Variants in CFAP299 observed in about 807,000 individuals in gnomAD.
CFAP299 encodes the protein cilia- and flagella-associated protein 299.
In CFAP299, 21 loss-of-function variants were observed where a neutral mutation model predicts 27.0. That is an observed-to-expected ratio of 0.78 (90% CI 0.55 to 1.12). The LOEUF (loss-of-function observed/expected upper bound fraction) is 1.12. Among genes scored for constraint, CFAP299 ranks in the 50% most tolerant of loss-of-function variants. CFAP299 has a pLI of 0.00. For synonymous variants in CFAP299, 104 were observed against 98.1 expected (o/e 1.06, Z -0.36); for missense variants, 310 against 276.6 (o/e 1.12, Z -0.86).
intron 2 of CFAP299, among the ~76,000 whole-genome samples, chr4:80,401,601 T>C (rs1174597864): frequency 6.6e-6 from 1 of 152,208 alleles, no homozygotes; most frequent in Non-Finnish European, 1.5e-5. Context: ...AACACCTGAA[T>C]GCCCAGGCAA....
chr4:80,611,683 T>C (rs1195385785), intron 3 of CFAP299, among the ~76,000 whole-genome samples: 1 of 152,106 alleles, frequency 6.6e-6, no homozygotes, highest in East Asian at 1.9e-4. Flanking sequence ...GCCTGATATT[T>C]GAACTCCACT....
chr4:80,726,214 T>G (rs1041030519), intron 3 of CFAP299, among the ~76,000 whole-genome samples: 1 of 152,128 alleles, frequency 6.6e-6, no homozygotes, highest in Non-Finnish European at 1.5e-5. Context: ...GGTAAATGAG[T>G]GTGTTCATGC....
intron 2 of CFAP299, among the ~76,000 whole-genome samples, chr4:80,394,322 C>T (rs921976046): frequency 2.0e-5 from 3 of 151,218 alleles, no homozygotes; most frequent in African/African-American, 4.8e-5. Flanking sequence ...ATTCCTTATA[C>T]ATTTTGAATA....
intron 2 of CFAP299, among the ~76,000 whole-genome samples, chr4:80,480,008 T>C (rs573783056): frequency 1.3e-5 from 2 of 152,016 alleles, no homozygotes; most frequent in Non-Finnish European, 2.9e-5. Context: ...TAAATAGTTA[T>C]ATGCAGCTGT....
chr4:80,465,652 C>A (rs1729664428), intron 2 of CFAP299, among the ~76,000 whole-genome samples: 1 of 152,032 alleles, frequency 6.6e-6, no homozygotes, highest in African/African-American at 2.4e-5. Flanking sequence ...CCTATGTACC[C>A]CATGCCCTGG....
At position 80,534,859 on chromosome 4, in the gene CFAP299, A is replaced by C. The variant is rs1005851970; in HGVS notation, c.243-48234A>C. 4.6e-5 allele frequency among the ~76,000 whole-genome samples: 7 copies of C among 152,212 alleles called. No homozygotes were observed. In the East Asian group the frequency reaches 1.3e-3, roughly 29 times the overall value. ...TTCTTGTCAGCATTTTTAATTGTACATATATTTTTCCCTTTTTGTAAAATG... is the reference window on the plus strand; with the variant it reads ...TTCTTGTCAGCATTTTTAATTGTACCTATATTTTTCCCTTTTTGTAAAATG... On this transcript the variant is annotated intron_variant, in intron 2 of 5. Coordinates refer to ENST00000358105, the MANE Select transcript of CFAP299 (RefSeq NM_152770.3).
intron 3 of CFAP299, among the ~76,000 whole-genome samples, chr4:80,807,184 TA>T (rs929763531): frequency 1.3e-5 from 2 of 152,062 alleles, no homozygotes; most frequent in Non-Finnish European, 2.9e-5. Context: ...AGTTCAAATA[TA>T]AAAACTTATT....
At chr4:80,551,956 C>T (rs1734540624) in intron 2 of CFAP299, among the ~76,000 whole-genome samples, 1 of 152,174 alleles carries the variant, frequency 6.6e-6, no homozygotes, top group Non-Finnish European at 1.5e-5. Flanking sequence ...ACCATGTTGG[C>T]CAGGATGGTC....
chr4:80,943,045 C>A (rs560074282), intron 4 of CFAP299, among the ~76,000 whole-genome samples: 135 of 152,320 alleles, frequency 8.9e-4, no homozygotes, highest in African/African-American at 3.2e-3. Flanking sequence ...TCATCTTAAA[C>A]TTCACTTGTG....
At chr4:80,428,669 G>T (rs1207490010) in intron 2 of CFAP299, among the ~76,000 whole-genome samples, 1 of 150,940 alleles carries the variant, frequency 6.6e-6, no homozygotes, top group African/African-American at 2.4e-5. Context: ...TGGGATTACA[G>T]GTGCCTGCCA....
intron 3 of CFAP299, among the ~76,000 whole-genome samples, chr4:80,807,183 A>G (rs1368574039): frequency 1.3e-5 from 2 of 152,190 alleles, no homozygotes; most frequent in Non-Finnish European, 2.9e-5. Flanking sequence ...AAGTTCAAAT[A>G]TAAAAACTTA....
Position 80,658,288 on chromosome 4 carries a change from G to A in CFAP299, c.333+75105G>A, listed in dbSNP as rs1740666952. On this transcript the variant is annotated intron_variant, in intron 3 of 5. Transcript: ENST00000358105. ...ACTATGTTGAATAGGGGTGGTGAGA[G>A]AGGACATCCTTGTCTTGTGCTGTTT... Among the ~76,000 whole-genome samples the A allele has an allele frequency of 2.0e-5, 3 of 152,150 alleles. No individual in the cohort carries two copies. In the South Asian group the frequency reaches 6.2e-4, roughly 32 times the overall value.
At chr4:80,396,893 T>A (rs1237503605) in intron 2 of CFAP299, among the ~76,000 whole-genome samples, 1 of 152,222 alleles carries the variant, frequency 6.6e-6, no homozygotes, top group East Asian at 1.9e-4. Flanking sequence ...GCTGGCCTCA[T>A]AAAATGAGTT....
At chr4:80,567,810 CAA>C (rs1735385575) in intron 2 of CFAP299, among the ~76,000 whole-genome samples, 1 of 150,502 alleles carries the variant, frequency 6.6e-6, no homozygotes, top group Non-Finnish European at 1.5e-5. Flanking sequence ...TCTAGGAAAC[CAA>C]TACATAATTA....
At position 80,693,708 on chromosome 4, in the gene CFAP299, AAAAG is replaced by A. The variant is rs1475045897; in HGVS notation, c.333+110532_333+110535del. 2.0e-4 allele frequency among the ~76,000 whole-genome samples: 31 copies of A among 152,188 alleles called. 1 individual carries two copies. The East Asian group carries it at 3.7e-3, about 18-fold the overall frequency. On this transcript the variant is annotated intron_variant, in intron 3 of 5. Coordinates refer to ENST00000358105, the MANE Select transcript of CFAP299 (RefSeq NM_152770.3). ...AAGTATAATAATAATTTAAAAAAAAAAAAGAAAGAACTGGCATTCTAAAGCAGTA... is the reference window on the plus strand; with the variant it reads ...AAGTATAATAATAATTTAAAAAAAAAAAAGAACTGGCATTCTAAAGCAGTA...
At chr4:80,444,356 A>C (rs1728511809) in intron 2 of CFAP299, among the ~76,000 whole-genome samples, 1 of 152,090 alleles carries the variant, frequency 6.6e-6, no homozygotes, top group South Asian at 2.1e-4. Context: ...ACAGAACAGA[A>C]GCCTCAGAAA....
intron 2 of CFAP299, among the ~76,000 whole-genome samples, chr4:80,478,656 A>G (rs1459195229): frequency 6.6e-6 from 1 of 152,250 alleles, no homozygotes; most frequent in Admixed American, 6.5e-5. Context: ...CTGCACATAA[A>G]TGGTAGTTGG....
Position 80,490,948 on chromosome 4 carries a change from TCTTA to T in CFAP299, c.243-92139_243-92136del, listed in dbSNP as rs778981447. Among the ~76,000 whole-genome samples, 126 of 150,926 alleles carry T rather than the reference TCTTA, an allele frequency of 8.3e-4. 1 individual carries two copies. Among genetic ancestry groups the T allele is most frequent in the Admixed American group, 2.4e-3 (37 of 15,128 alleles). On this transcript the variant is annotated intron_variant, in intron 2 of 5. Transcript: ENST00000358105. ...ATTATGTGTGTGTGTGATTAATCCA[TCTTA>T]CTTACCTCTCCATTTTAGGAAAGAC...
chr4:80,433,400 A>C (rs774123104), intron 2 of CFAP299, among the ~76,000 whole-genome samples: 5 of 152,230 alleles, frequency 3.3e-5, no homozygotes, highest in Non-Finnish European at 7.3e-5. Flanking sequence ...GAATGAAAAA[A>C]TAAGAAAGAG....
Sources: allele counts gnomAD v4.1 joint callset (sites outside exome capture counted in the v4.1 genomes callset), GRCh38; gene constraint gnomAD v4.1.1; transcripts MANE v1.5; gene names NCBI Gene and HGNC (gene_info 2026-07-23, HGNC 2026-07-21).